RBFOX1: variants seen among roughly 807,000 people sequenced by gnomAD.
RBFOX1 encodes RNA binding protein fox-1 homolog 1.
In RBFOX1, 8 loss-of-function variants were observed where a neutral mutation model predicts 57.7. The ratio of observed to expected loss-of-function variants is 0.14; its 90% CI spans 0.08 to 0.25. RBFOX1 has a LOEUF of 0.25. Ranked by LOEUF, RBFOX1 falls within the 10% of genes least tolerant of loss-of-function variation. The pLI is 1.00. For synonymous variants in RBFOX1, 326 were observed against 222.4 expected, an observed-to-expected ratio of 1.47 and a Z score of -4.15; for missense variants, 611 against 548.5, an observed-to-expected ratio of 1.11 and a Z score of -1.14.
At chr16:6,391,166 A>G (rs1394552702) in intron 2 of RBFOX1, among the ~76,000 whole-genome samples, 1 of 152,136 alleles carries the variant, frequency 6.6e-6, no homozygotes, top group Non-Finnish European at 1.5e-5. Context: ...AAGAAGTTTG[A>G]GTTTATTCTA....
intron 3 of RBFOX1, among the ~76,000 whole-genome samples, chr16:6,843,934 G>A (rs1389810526): frequency 6.6e-6 from 1 of 152,124 alleles, no homozygotes. Flanking sequence ...ATTCTCCACT[G>A]TCTCATGGAA....
intron 3 of RBFOX1, among the ~76,000 whole-genome samples, chr16:6,844,923 C>A (rs2093678473): frequency 6.6e-6 from 1 of 152,146 alleles, no homozygotes; most frequent in Admixed American, 6.5e-5. Flanking sequence ...ATTTGAATTT[C>A]TCTAATGATC....
chr16:6,593,446 G>A (rs1291835121), intron 2 of RBFOX1, among the ~76,000 whole-genome samples: 3 of 152,122 alleles, frequency 2.0e-5, no homozygotes, highest in Non-Finnish European at 2.9e-5. Context: ...ATTCAGTTTG[G>A]TGATCGCCTC....
At chr16:7,094,226 G>C (rs760737932) in intron 4 of RBFOX1, among the ~76,000 whole-genome samples, 1 of 151,990 alleles carries the variant, frequency 6.6e-6, no homozygotes, top group Non-Finnish European at 1.5e-5. Context: ...GTGCAAACTT[G>C]TGTCCCCATT....
chr16:6,425,268 G>A (rs1394619282), intron 2 of RBFOX1, among the ~76,000 whole-genome samples: 2 of 152,160 alleles, frequency 1.3e-5, no homozygotes, highest in African/African-American at 4.8e-5. Context: ...ATGAAGTTTG[G>A]GGAGGGTAAC....
At chr16:7,104,688 C>G (rs1214750872) in intron 4 of RBFOX1, among the ~76,000 whole-genome samples, 1 of 152,122 alleles carries the variant, frequency 6.6e-6, no homozygotes, top group Admixed American at 6.6e-5. Context: ...GTTACATATT[C>G]ATGGTCAGTG....
At chr16:6,840,963 T>A (rs1362873184) in intron 3 of RBFOX1, among the ~76,000 whole-genome samples, 1 of 150,782 alleles carries the variant, frequency 6.6e-6, no homozygotes, top group East Asian at 1.9e-4. Flanking sequence ...GAGTTAAGGG[T>A]ATCTACCAGG....
chr16:7,436,479 G>A (rs1235196735), intron 4 of RBFOX1, among the ~76,000 whole-genome samples: 1 of 152,226 alleles, frequency 6.6e-6, no homozygotes, highest in Non-Finnish European at 1.5e-5. Flanking sequence ...GTGGAGACAT[G>A]TGTCTTCACA....
intron 3 of RBFOX1, among the ~76,000 whole-genome samples, chr16:5,700,655 CA>C (rs1373656017): frequency 1.3e-5 from 2 of 152,152 alleles, no homozygotes; most frequent in African/African-American, 4.8e-5. Context: ...ATGATGTCTT[CA>C]ATTTCTTCAG....
intron 1 of RBFOX1, among the ~76,000 whole-genome samples, chr16:5,396,226 T>A (rs1156461235): frequency 6.6e-6 from 1 of 152,222 alleles, no homozygotes; most frequent in African/African-American, 2.4e-5. Context: ...GCATCTGAAA[T>A]GTTACCAAGG....
intron 2 of RBFOX1, among the ~76,000 whole-genome samples, chr16:6,425,733 G>T (rs911080317): frequency 6.6e-6 from 1 of 152,084 alleles, no homozygotes; most frequent in Non-Finnish European, 1.5e-5. Flanking sequence ...ACACACGAAC[G>T]TTTTGATAGA....
intron 3 of RBFOX1, among the ~76,000 whole-genome samples, chr16:6,880,403 A>G (rs2062699519): frequency 6.6e-6 from 1 of 152,168 alleles, no homozygotes; most frequent in African/African-American, 2.4e-5. Context: ...GCCCTGTTGC[A>G]GGAATGAACA....
chr16:6,929,671 T>A lies in RBFOX1; in HGVS notation c.-15-122386T>A, dbSNP rs565084768. On this transcript the variant is annotated intron_variant, in intron 3 of 15. Transcript: ENST00000550418. Reference sequence around the variant, plus strand: ...TTCTCAGAGTTATATCCAGCTTGCATAACTAGTGTGTTAGAGAATGTGTTA... The same window carrying A: ...TTCTCAGAGTTATATCCAGCTTGCAAAACTAGTGTGTTAGAGAATGTGTTA... Among the ~76,000 whole-genome samples, 73 of 152,260 alleles carry A rather than the reference T, an allele frequency of 4.8e-4. 1 individual carries two copies. The South Asian group carries it at 0.015, about 31-fold the overall frequency.
rs554336015 is a variant in RBFOX1, at chr16:6,846,678, T to G, written c.-16+192028T>G. On this transcript the variant is annotated intron_variant, in intron 3 of 15. Coordinates refer to ENST00000550418, the MANE Select transcript of RBFOX1 (RefSeq NM_018723.4). ...CAGACGTCAAATAACCAATAAAATT[T>G]CATGAATGGTAACGTTCGCCAGTAT... Among the ~76,000 whole-genome samples the G allele has an allele frequency of 3.3e-5, 5 of 152,324 alleles. No homozygotes were observed. The East Asian group carries it at 9.7e-4, about 29-fold the overall frequency.
At chr16:7,304,158 C>T (rs113099522) in intron 4 of RBFOX1, 3 of 877,346 alleles carry the variant, frequency 3.4e-6, no homozygotes, top group African/African-American at 3.0e-5. Flanking sequence ...GAGGGACCGG[C>T]GGGGTGCGGT....
chr16:6,614,362 C>T (rs893214387), intron 2 of RBFOX1, among the ~76,000 whole-genome samples: 1 of 152,284 alleles, frequency 6.6e-6, no homozygotes. Flanking sequence ...GAATTAACAT[C>T]CCTGATTTTT....
intron 4 of RBFOX1, among the ~76,000 whole-genome samples, chr16:7,159,976 G>C (rs1391573792): frequency 6.6e-6 from 1 of 152,094 alleles, no homozygotes; most frequent in African/African-American, 2.4e-5. Context: ...TGAGGGGGGA[G>C]TTGTCATACT....
intron 3 of RBFOX1, among the ~76,000 whole-genome samples, chr16:6,674,496 A>AT (rs1267668422): frequency 1.3e-5 from 2 of 151,908 alleles, no homozygotes; most frequent in Non-Finnish European, 2.9e-5. Flanking sequence ...TAATTTTTGT[A>AT]TTTTTAGTAG....
intron 3 of RBFOX1, among the ~76,000 whole-genome samples, chr16:6,748,534 C>T (rs963923758): frequency 1.3e-5 from 2 of 152,086 alleles, no homozygotes; most frequent in Non-Finnish European, 2.9e-5. Flanking sequence ...GCCATGATGG[C>T]ATGCATTTGT....
Sources: allele counts gnomAD v4.1 joint callset (sites outside exome capture counted in the v4.1 genomes callset), GRCh38; gene constraint gnomAD v4.1.1; transcripts MANE v1.5; gene names NCBI Gene and HGNC (gene_info 2026-07-23, HGNC 2026-07-21).